Variants in NREP observed in about 807,000 individuals in gnomAD.
NREP encodes neuronal regeneration related protein.
In NREP, 5 loss-of-function variants were observed where a neutral mutation model predicts 8.6. That is an observed-to-expected ratio of 0.58 (90% confidence interval 0.30 to 1.22). The LOEUF (loss-of-function observed/expected upper bound fraction) is 1.22. Among genes scored for constraint, NREP ranks in the 50% most tolerant of loss-of-function variants. NREP has a pLI of 0.07. For missense variants in NREP, 86 were observed against 82.5 expected, an observed-to-expected ratio of 1.04 and a Z score of -0.17; for synonymous variants, 27 against 28.0, an observed-to-expected ratio of 0.96 and a Z score of 0.11.
chr5:111,760,953 T>C (rs1245992598), upstream of NREP, among the ~76,000 whole-genome samples: 1 of 152,226 alleles, frequency 6.6e-6, no homozygotes, highest in Non-Finnish European at 1.5e-5. Flanking sequence ...TATATATTCC[T>C]GCAACTTTAT....
chr5:111,835,545 A>G (rs996306000), intron 2 of NREP, among the ~76,000 whole-genome samples: 3 of 152,070 alleles, frequency 2.0e-5, no homozygotes, highest in Non-Finnish European at 4.4e-5. Flanking sequence ...GTTCATAGGT[A>G]AAACTAAGTA....
intron 2 of NREP, among the ~76,000 whole-genome samples, chr5:111,860,517 T>C (rs1296715722): frequency 6.6e-6 from 1 of 152,100 alleles, no homozygotes; most frequent in Admixed American, 6.6e-5. Context: ...AGTTAGTGCT[T>C]AGGTTACTGC....
chr5:111,963,880 C>T (rs1007911149), intron 2 of NREP, among the ~76,000 whole-genome samples: 1 of 152,164 alleles, frequency 6.6e-6, no homozygotes, highest in Non-Finnish European at 1.5e-5. Flanking sequence ...TTTTCTACCA[C>T]TCAACACTGC....
At chr5:111,874,503 G>A (rs558703294) in intron 2 of NREP, among the ~76,000 whole-genome samples, 1 of 152,240 alleles carries the variant, frequency 6.6e-6, no homozygotes, top group East Asian at 1.9e-4. Flanking sequence ...GGGTAACCCT[G>A]TCTATGAAAA....
At chr5:111,897,377 C>T (rs1357315905) in intron 2 of NREP, among the ~76,000 whole-genome samples, 2 of 152,170 alleles carry the variant, frequency 1.3e-5, no homozygotes, top group Non-Finnish European at 2.9e-5. Flanking sequence ...GCAACTCACA[C>T]TATATGTGAT....
intron 2 of NREP, among the ~76,000 whole-genome samples, chr5:111,803,686 C>T (rs1326940709): frequency 6.6e-6 from 1 of 152,044 alleles, no homozygotes; most frequent in East Asian, 1.9e-4. Context: ...AATTGATAGT[C>T]CTATTACCTA....
intron 2 of NREP, among the ~76,000 whole-genome samples, chr5:111,780,923 G>A (rs549855804): frequency 6.6e-6 from 1 of 152,118 alleles, no homozygotes; most frequent in Admixed American, 6.5e-5. Flanking sequence ...AAGTTCAGGG[G>A]TATATGTGCA....
chr5:111,914,719 G>A (rs1226344870), intron 2 of NREP, among the ~76,000 whole-genome samples: 1 of 152,030 alleles, frequency 6.6e-6, no homozygotes, highest in Non-Finnish European at 1.5e-5. Context: ...GTTAATGTTT[G>A]TGACGCTGAG....
intron 2 of NREP, among the ~76,000 whole-genome samples, chr5:111,769,625 G>C (rs946255380): frequency 6.6e-6 from 1 of 152,162 alleles, no homozygotes; most frequent in African/African-American, 2.4e-5. Context: ...GGTTTAATTG[G>C]CAAACAGTTC....
chr5:111,765,371 T>G (rs1366901486), intron 2 of NREP, among the ~76,000 whole-genome samples: 2 of 152,158 alleles, frequency 1.3e-5, no homozygotes, highest in Non-Finnish European at 2.9e-5. Flanking sequence ...GTCTGCACCT[T>G]GGGGTTGGAG....
At chr5:111,772,322 GT>G (rs1751250298) in intron 2 of NREP, among the ~76,000 whole-genome samples, 1 of 152,050 alleles carries the variant, frequency 6.6e-6, no homozygotes, top group South Asian at 2.1e-4. Context: ...TTTTTTGTTT[GT>G]TTTAAACTCT....
At chr5:111,907,365 C>G (rs1494589) in intron 2 of NREP, among the ~76,000 whole-genome samples, 92,181 of 151,924 alleles carry the variant, frequency 0.61, 28,389 homozygotes, top group Non-Finnish European at 0.65. Flanking sequence ...TCTGTGAAAT[C>G]TGTAAGGACA....
intron 2 of NREP, among the ~76,000 whole-genome samples, chr5:111,807,508 T>A (rs139731336): frequency 1.1e-3 from 167 of 152,336 alleles, no homozygotes; most frequent in African/African-American, 3.9e-3. Context: ...TTTAAAATTT[T>A]CATTTTAAAC....
chr5:111,845,222 G>A (rs149872645), intron 2 of NREP, among the ~76,000 whole-genome samples: 18 of 151,934 alleles, frequency 1.2e-4, no homozygotes, highest in African/African-American at 4.1e-4. Flanking sequence ...GTGTGGGCTT[G>A]GGGTGGAATA....
At chr5:111,833,041 A>G (rs1752811327) in intron 2 of NREP, among the ~76,000 whole-genome samples, 1 of 152,230 alleles carries the variant, frequency 6.6e-6, no homozygotes, top group African/African-American at 2.4e-5. Context: ...TTACTTCCCC[A>G]GGACTGTACT....
Position 111,796,725 on chromosome 5 carries a change from A to G in NREP, c.136-61218T>C, listed in dbSNP as rs141091705. ...ACTCATTTGACTTAGTCAATCAAAC[A>G]CTGATAATATAATGACCACTATAAT... is the stretch of plus-strand genomic sequence containing the variant. On this transcript the variant is annotated intron_variant, in intron 2 of 3. Coordinates refer to the NREP transcript ENST00000395634. Among the ~76,000 whole-genome samples, 193 of 152,334 alleles carry G rather than the reference A, an allele frequency of 1.3e-3. 1 individual carries two copies. Among genetic ancestry groups the G allele is most frequent in the African/African-American group, 4.6e-3 (191 of 41,590 alleles).
At chr5:111,810,383 G>A (rs889642224) in intron 2 of NREP, among the ~76,000 whole-genome samples, 1 of 152,144 alleles carries the variant, frequency 6.6e-6, no homozygotes, top group Admixed American at 6.5e-5. Flanking sequence ...CCAGTTCCTG[G>A]GCCATGAGCC....
intron 2 of NREP, among the ~76,000 whole-genome samples, chr5:111,914,301 T>C (rs1411384700): frequency 6.6e-6 from 1 of 152,166 alleles, no homozygotes; most frequent in African/African-American, 2.4e-5. Context: ...CTAGCCATAA[T>C]AGAGAATCAA....
intron 2 of NREP, among the ~76,000 whole-genome samples, chr5:111,746,928 T>A (rs1390452869): frequency 6.6e-6 from 1 of 152,112 alleles, no homozygotes; most frequent in East Asian, 1.9e-4. Flanking sequence ...ATTAACTGAG[T>A]TCCTCTGATG....
Sources: gnomAD v4.1 joint callset for allele counts (sites outside exome capture counted in the v4.1 genomes callset) on GRCh38, gnomAD v4.1.1 for gene constraint, MANE v1.5 for transcripts, NCBI Gene and HGNC (gene_info 2026-07-23, HGNC 2026-07-21) for gene names.